STXBP4: variants seen among roughly 807,000 people sequenced by gnomAD.
STXBP4 encodes syntaxin-binding protein 4.
STXBP4 carries 55 observed loss-of-function variants against 76.1 expected under a neutral mutation model. The ratio of observed to expected loss-of-function variants is 0.72; its 90% confidence interval spans 0.58 to 0.91. The LOEUF (loss-of-function observed/expected upper bound fraction) is 0.91. STXBP4 is among the 40% of genes least tolerant of loss of function. The pLI, the probability that STXBP4 is intolerant of heterozygous loss-of-function variation, is 0.00. For missense variants in STXBP4, 618 were observed against 636.9 expected (o/e 0.97, Z 0.32); for synonymous variants, 201 against 220.2 (o/e 0.91, Z 0.77).
At chr17:55,111,745 T>C (rs2145057779) in intron 16 of STXBP4, among the ~76,000 whole-genome samples, 1 of 152,332 alleles carries the variant, frequency 6.6e-6, no homozygotes, top group African/African-American at 2.4e-5. Context: ...TACAGAATCA[T>C]GAGCCAATTA....
intron 16 of STXBP4, among the ~76,000 whole-genome samples, chr17:55,095,271 C>G (rs930988298): frequency 6.6e-6 from 1 of 152,294 alleles, no homozygotes; most frequent in Non-Finnish European, 1.5e-5. Flanking sequence ...AGATGAAACT[C>G]TGATTCCTTT....
In STXBP4 at chr17:54,975,287, G is replaced by A. The variant is rs562821271; in HGVS notation, c.-157+6472G>A. On this transcript the variant is annotated intron_variant, in intron 1 of 17. Transcript: ENST00000376352. ...CTGAGTAGTAGCTGGGATTACAGGC[G>A]CATACCACCATGCCCTGCTAAAAAT... is the stretch of plus-strand genomic sequence containing the variant. Among the ~76,000 whole-genome samples the A allele has an allele frequency of 5.3e-5, 8 of 152,232 alleles. No individual in the cohort carries two copies. The South Asian group carries it at 1.0e-3, about 20-fold the overall frequency.
At chr17:55,209,582 C>T in the STXBP4 span, among the ~76,000 whole-genome samples, 2 of 152,190 alleles carry the variant, frequency 1.3e-5, no homozygotes, top group Non-Finnish European at 2.9e-5. Flanking sequence ...TTCAAAGAAA[C>T]AAAATGTAGC....
intron 16 of STXBP4, among the ~76,000 whole-genome samples, chr17:55,129,997 C>T (rs957782126): frequency 1.3e-5 from 2 of 152,078 alleles, no homozygotes; most frequent in African/African-American, 4.8e-5. Context: ...ATGTAAAGGA[C>T]TCTATGTGTC....
the STXBP4 span, among the ~76,000 whole-genome samples, chr17:55,182,408 G>T: frequency 6.6e-6 from 1 of 151,974 alleles, no homozygotes; most frequent in Non-Finnish European, 1.5e-5. Context: ...ATGCAAGAAG[G>T]AACAAAAGAA....
intron 16 of STXBP4, among the ~76,000 whole-genome samples, chr17:55,095,873 C>G (rs1320872904): frequency 6.6e-6 from 1 of 152,052 alleles, no homozygotes; most frequent in East Asian, 1.9e-4. Flanking sequence ...GTCCAGGGTT[C>G]CTAATAAATC....
the STXBP4 span, among the ~76,000 whole-genome samples, chr17:55,206,788 G>C: frequency 1.6e-4 from 24 of 149,832 alleles, no homozygotes; most frequent in Non-Finnish European, 3.4e-4. Flanking sequence ...ACCCGGAAGG[G>C]GGAGGTTGCA....
intron 16 of STXBP4, among the ~76,000 whole-genome samples, chr17:55,138,719 T>A (rs1354374925): frequency 6.6e-6 from 1 of 152,174 alleles, no homozygotes; most frequent in Non-Finnish European, 1.5e-5. Context: ...TATTGAAAAG[T>A]ATTTAGATAA....
chr17:55,046,403 A>C (rs567521500), intron 11 of STXBP4, among the ~76,000 whole-genome samples: 23 of 151,886 alleles, frequency 1.5e-4, no homozygotes, highest in African/African-American at 5.3e-4. Context: ...ACTCAATTTA[A>C]TGTTCGAGCA....
intron 4 of STXBP4, among the ~76,000 whole-genome samples, chr17:54,992,249 A>G (rs928109949): frequency 6.6e-6 from 1 of 151,494 alleles, no homozygotes; most frequent in Non-Finnish European, 1.5e-5. Flanking sequence ...CTTGAATTCT[A>G]TTAAAAATTA....
At chr17:55,034,310 G>A (rs774924961) in intron 10 of STXBP4, 51 bp downstream of exon 10, 2 of 1,314,386 alleles carry the variant, frequency 1.5e-6, no homozygotes, top group South Asian at 1.6e-5. Flanking sequence ...CACAAGTCTT[G>A]AATGTTATAT....
chr17:55,001,035 G>A, intron 7 of STXBP4, 152 bp downstream of exon 7: 1 of 563,546 alleles, frequency 1.8e-6, no homozygotes, highest in South Asian at 2.6e-5. Flanking sequence ...TTTCCGTTGG[G>A]CCCTGTTAAA....
intron 16 of STXBP4, 99 bp downstream of exon 16, chr17:55,081,282 C>G (rs1275349082): frequency 3.4e-6 from 3 of 875,702 alleles, no homozygotes; most frequent in Non-Finnish European, 4.7e-6. Context: ...TTGCCTACAG[C>G]AAAGTTGATA....
intron 4 of STXBP4, among the ~76,000 whole-genome samples, chr17:54,992,246 T>C (rs1390283761): frequency 6.6e-6 from 1 of 151,446 alleles, no homozygotes; most frequent in African/African-American, 2.4e-5. Flanking sequence ...AGACTTGAAT[T>C]CTATTAAAAA....
Position 55,171,641 on chromosome 17 carries a change from A to G in STXBP4, c.*11730A>G, listed in dbSNP as rs916536182. 2 of 152,200 alleles carry G rather than the reference A, an allele frequency of 1.3e-5. No individual in the cohort carries two copies. Among genetic ancestry groups the G allele is most frequent in the East Asian group, 3.8e-4 (2 of 5,202 alleles). 9.4% of individuals were successfully genotyped at this position (152,200 alleles called of 1,614,324 possible). On this transcript the variant is annotated 3_prime_UTR_variant, in exon 18 of 18. Coordinates refer to ENST00000376352, the MANE Select transcript of STXBP4 (RefSeq NM_178509.6). Reference sequence around the variant, plus strand: ...CATGGTGCCATGTACATGGAAACTGACTGCTCTCATGTTACGGGTTGAACT... The same window carrying G: ...CATGGTGCCATGTACATGGAAACTGGCTGCTCTCATGTTACGGGTTGAACT...
intron 16 of STXBP4, among the ~76,000 whole-genome samples, chr17:55,111,478 GC>G (rs1430476722): frequency 6.6e-6 from 1 of 152,176 alleles, no homozygotes; most frequent in Non-Finnish European, 1.5e-5. Context: ...TGGAGGTGGG[GC>G]CTGGTGGGAG....
chr17:55,016,686 C>G (rs551841295), intron 8 of STXBP4, among the ~76,000 whole-genome samples: 2 of 152,166 alleles, frequency 1.3e-5, no homozygotes, highest in Admixed American at 1.3e-4. Flanking sequence ...GGAGTTCCTC[C>G]TAGGTCTGGT....
chr17:55,168,617 CAT>C lies in STXBP4; in HGVS notation c.*8707_*8708del, dbSNP rs1274442484. 3.2e-4 allele frequency: 48 copies of C among 152,198 alleles called. No individual in the cohort carries two copies. Among genetic ancestry groups the C allele is most frequent in the Admixed American group, 9.8e-4 (15 of 15,288 alleles). The allele number at this position is 152,198 out of a possible 1,614,324, so 9.4% of individuals were successfully genotyped here. A position where few individuals can be genotyped will look rare whatever the true frequency, so the allele number is the denominator to read the frequency against. On this transcript the variant is annotated 3_prime_UTR_variant, in exon 18 of 18. Coordinates refer to ENST00000376352, the MANE Select transcript of STXBP4 (RefSeq NM_178509.6). Reference sequence around the variant, plus strand: ...TGTTTCAGCATAGATTTTTAAAAATCATGTGTGTAAAAGAGAATGAAATATTA... The same window carrying C: ...TGTTTCAGCATAGATTTTTAAAAATCGTGTGTAAAAGAGAATGAAATATTA...
chr17:55,091,024 C>T (rs2079406816), intron 16 of STXBP4, among the ~76,000 whole-genome samples: 1 of 152,134 alleles, frequency 6.6e-6, no homozygotes, highest in Non-Finnish European at 1.5e-5. Context: ...GGTTTCTACA[C>T]CCAAGAGGCC....
Sources: gnomAD v4.1 joint callset for allele counts (sites outside exome capture counted in the v4.1 genomes callset) on GRCh38, gnomAD v4.1.1 for gene constraint, MANE v1.5 for transcripts, NCBI Gene and HGNC (gene_info 2026-07-23, HGNC 2026-07-21) for gene names.